Variants in STARD8 observed in about 807,000 individuals in gnomAD.
The protein encoded by STARD8 is stAR-related lipid transfer protein 8.
Under a neutral mutation model 69.4 loss-of-function variants are expected in STARD8, and 25 were observed. That is an observed-to-expected ratio of 0.36 (90% CI 0.26 to 0.50). The LOEUF (loss-of-function observed/expected upper bound fraction) is 0.50, where lower values mean the gene tolerates loss of function less well. Ranked by LOEUF, STARD8 falls within the 20% of genes least tolerant of loss-of-function variation. STARD8 has a pLI of 0.96. For missense variants in STARD8, 921 were observed against 932.5 expected (o/e 0.99, Z 0.16); for synonymous variants, 389 against 374.6 (o/e 1.04, Z -0.45).
At chrX:68,714,300 C>CT (rs1369013033) in intron 3 of STARD8, among the ~76,000 whole-genome samples, 16 of 112,450 alleles carry the variant, frequency 1.4e-4, no homozygotes, top group Non-Finnish European at 9.4e-5. Context: ...ATTGATTACT[C>CT]TTACCTTTGT....
Position 68,721,582 on chromosome X carries a change from G to T in STARD8, c.2295G>T (p.Leu765Phe). The T allele has an allele frequency of 8.3e-7, 1 of 1,211,925 alleles. No individual in the cohort carries two copies. Among genetic ancestry groups the T allele is most frequent in the Admixed American group, 2.2e-5 (1 of 46,067 alleles). ...QWLAAAQAAT[L>F]LLPDENREVL... is the part of the protein sequence containing the mutation. ...TGGCAGCAGCACAAGCCGCCACCTT[G>T]CTGCTCCCCGATGAGAACCGAGAGG... The change falls in exon 10 of 15, where the codon TTG becomes TTT. Residue 765 changes from leucine (L) to phenylalanine (F), a missense_variant. Physicochemically the swap from Leu to Phe is conservative, Grantham distance 22 (BLOSUM62 0). Coordinates refer to ENST00000374599, the MANE Select transcript of STARD8 (RefSeq NM_001142503.3).
chrX:68,704,579 T>C (rs2079991337), intron 2 of STARD8, among the ~76,000 whole-genome samples: 1 of 110,857 alleles, frequency 9.0e-6, no homozygotes, highest in South Asian at 3.8e-4. Flanking sequence ...GATGGAAAAG[T>C]TGGTAGAATT....
At chrX:68,674,103 G>C (rs1448091111) in intron 2 of STARD8, among the ~76,000 whole-genome samples, 1 of 110,820 alleles carries the variant, frequency 9.0e-6, no homozygotes, top group Non-Finnish European at 1.9e-5. Flanking sequence ...AGACCAGCCT[G>C]ACCAACATGG....
At chrX:68,652,125 G>C (rs186290015) in intron 1 of STARD8, among the ~76,000 whole-genome samples, 1 of 109,826 alleles carries the variant, frequency 9.1e-6, no homozygotes, top group South Asian at 4.0e-4. Context: ...CCCAAAGTGC[G>C]GGAATTACAG....
At chrX:68,708,625 C>T (rs777206328) in intron 2 of STARD8, among the ~76,000 whole-genome samples, 1 of 111,772 alleles carries the variant, frequency 8.9e-6, no homozygotes, top group African/African-American at 3.3e-5. Flanking sequence ...CCTGACTCTC[C>T]CAGCCTGGGT....
chrX:68,671,238 T>C (rs2079726386), intron 2 of STARD8, among the ~76,000 whole-genome samples: 1 of 112,737 alleles, frequency 8.9e-6, no homozygotes, highest in African/African-American at 3.2e-5. Context: ...GACAACTTGC[T>C]ATTTCCTAGA....
At chrX:68,716,311 G>T in intron 4 of STARD8, 57 bp from the exon 5 acceptor site, 1 of 1,121,442 alleles carries the variant, frequency 8.9e-7, no homozygotes, top group Non-Finnish European at 1.2e-6. Flanking sequence ...ATCTTGGTAG[G>T]CTCTGCCAGG....
intron 1 of STARD8, among the ~76,000 whole-genome samples, chrX:68,653,322 A>C (rs1602536223): frequency 1.5e-4 from 4 of 26,793 alleles, no homozygotes; most frequent in Non-Finnish European, 2.8e-4. Flanking sequence ...CACACACCAC[A>C]CACACACACC....
chrX:68,720,310 G>A lies in STARD8; in HGVS notation c.1936G>A (p.Gly646Arg). The A allele has an allele frequency of 8.3e-7, 1 of 1,207,712 alleles. No individual in the cohort carries two copies. Among genetic ancestry groups the A allele is most frequent in the South Asian group, 1.8e-5 (1 of 56,054 alleles). Residue 646 changes from glycine (G) to arginine (R), a missense_variant, in exon 8 of 15, where the codon GGA becomes AGA. Gly to Arg is a moderately radical substitution (Grantham distance 125). Transcript: ENST00000374599. ...MRRNKTPDYRGQHVFGVPPLI... is the reference protein window; with the variant it reads ...MRRNKTPDYRRQHVFGVPPLI... Reference sequence around the variant, plus strand: ...GAGGAACAAGACCCCAGATTACCGGGGACAGCACGTATTTGGGGTGCCACC... The same window carrying A: ...GAGGAACAAGACCCCAGATTACCGGAGACAGCACGTATTTGGGGTGCCACC...
At chrX:68,657,482 T>G (rs1230624891) in intron 1 of STARD8, among the ~76,000 whole-genome samples, 2 of 112,090 alleles carry the variant, frequency 1.8e-5, no homozygotes, top group Non-Finnish European at 3.8e-5. Flanking sequence ...GGATACAAAA[T>G]GAGTTTTTCA....
chrX:68,665,947 C>T (rs1414632385), intron 2 of STARD8, among the ~76,000 whole-genome samples: 1 of 111,887 alleles, frequency 8.9e-6, no homozygotes, highest in Non-Finnish European at 1.9e-5. Context: ...GGTTCAGTGT[C>T]TGTTATATTC....
intron 2 of STARD8, among the ~76,000 whole-genome samples, chrX:68,708,676 T>G (rs888789555): frequency 2.7e-5 from 3 of 111,978 alleles, no homozygotes; most frequent in Non-Finnish European, 5.6e-5. Flanking sequence ...CTCAGTGGAA[T>G]CCAGTTTGTG....
intron 1 of STARD8, among the ~76,000 whole-genome samples, chrX:68,661,965 TC>T (rs1569353739): frequency 1.1e-3 from 85 of 77,345 alleles, no homozygotes; most frequent in African/African-American, 6.4e-3. Flanking sequence ...TCTCTCTCTC[TC>T]TCTCTCTTTC....
chrX:68,722,282 C>T (rs1447629957), intron 11 of STARD8, 121 bp downstream of exon 11: 1 of 827,625 alleles, frequency 1.2e-6, no homozygotes, highest in African/African-American at 2.1e-5. Flanking sequence ...GCTTATACCC[C>T]CAACTCTTCC....
At chrX:68,702,967 T>C (rs902587474) in intron 2 of STARD8, among the ~76,000 whole-genome samples, 1 of 111,830 alleles carries the variant, frequency 8.9e-6, no homozygotes, top group African/African-American at 3.3e-5. Flanking sequence ...GTAAGAAGTA[T>C]AGAGCCAGGA....
chrX:68,655,037 G>T (rs753329911), intron 1 of STARD8, among the ~76,000 whole-genome samples: 36 of 112,068 alleles, frequency 3.2e-4, no homozygotes, highest in Non-Finnish European at 6.4e-4. Context: ...GAATTCAGGG[G>T]TTCACATGAA....
At position 68,721,064 on chromosome X, in the gene STARD8, C is replaced by T. The variant is rs1164780584; in HGVS notation, c.2190C>T (p.Asp730=). The change falls in exon 9 of 15, where the codon GAC becomes GAT. Residue 730 remains aspartate, a synonymous_variant. Transcript: ENST00000374599. ...VADLLKQYFR[D]LPEPIFTSKL... ...ACCTGCTAAAGCAGTATTTCCGGGA[C>T]CTGCCTGAGCCCATCTTCACCAGCA... The T allele has an allele frequency of 8.3e-7, 1 of 1,211,869 alleles. No individual in the cohort carries two copies.
intron 2 of STARD8, among the ~76,000 whole-genome samples, chrX:68,703,761 A>G (rs1334577062): frequency 1.8e-5 from 2 of 111,941 alleles, no homozygotes; most frequent in East Asian, 2.8e-4. Flanking sequence ...TTCCAGACCA[A>G]GAGAGGGAGG....
rs1282590785 is a variant in STARD8 at position 68,718,064 on chromosome X, A to G, written c.1150A>G (p.Ser384Gly). Reference protein sequence around the residue: ...EDEDDEESGGSYAHLDDILQH... With the variant: ...EDEDDEESGGGYAHLDDILQH... ...TGAAGATGATGAGGAGAGTGGGGGCAGCTATGCTCACCTAGACGACATCCT... is the reference window on the plus strand; with the variant it reads ...TGAAGATGATGAGGAGAGTGGGGGCGGCTATGCTCACCTAGACGACATCCT... The change falls in exon 6 of 15, where the codon AGC (serine) becomes GGC (glycine). Residue 384 changes from serine (S) to glycine (G), a missense_variant. Transcript: ENST00000374599. 1.2e-5 allele frequency: 15 copies of G among 1,209,506 alleles called. No homozygotes were observed. The highest frequency in any genetic ancestry group is 1.7e-5 in the Non-Finnish European group (15 of 894,991).
Sources: allele counts gnomAD v4.1 joint callset (sites outside exome capture counted in the v4.1 genomes callset), GRCh38; gene constraint gnomAD v4.1.1; transcripts MANE v1.5; gene names NCBI Gene and HGNC (gene_info 2026-07-23, HGNC 2026-07-21).